The following NYAP1 variants were observed in gnomAD, a reference collection of about 807,000 sequenced individuals.
NYAP1 encodes neuronal tyrosine-phosphorylated phosphoinositide-3-kinase adapter 1.
Under a neutral mutation model 58.6 loss-of-function variants are expected in NYAP1, and 20 were observed. The observed-to-expected ratio is 0.34, with a 90% confidence interval of 0.24 to 0.50. The LOEUF (loss-of-function observed/expected upper bound fraction) is 0.50, where lower values mean the gene tolerates loss of function less well. NYAP1 is among the 20% of genes least tolerant of loss of function. NYAP1 has a pLI of 0.98. For synonymous variants in NYAP1, 572 were observed against 523.1 expected, an observed-to-expected ratio of 1.09 and a Z score of -1.27; for missense variants, 1,150 against 1,194.5, an observed-to-expected ratio of 0.96 and a Z score of 0.55.
intron 4 of NYAP1, 33 bp downstream of exon 4, chr7:100,489,699 C>G (rs780923373): frequency 1.8e-5 from 1 of 56,666 alleles, no homozygotes; most frequent in Non-Finnish European, 2.9e-5. Context: ...GGGCTGGCAT[C>G]AGGGGTGGGG....
Position 100,485,252 on chromosome 7 carries a change from G to C in NYAP1, c.-60G>C. The C allele has an allele frequency of 2.0e-6, 2 of 985,748 alleles. No homozygotes were observed. The highest frequency in any genetic ancestry group is 3.1e-6 in the Non-Finnish European group (2 of 650,756). 61.1% of individuals were successfully genotyped at this position (985,748 alleles called of 1,614,324 possible). ...GTGGATCCGGGACCCAGGGAGGGCC[G>C]CCCCCCGGGCCTGGTGGCACTGAGC... On this transcript the variant is annotated 5_prime_UTR_variant, in exon 2 of 7. Transcript: ENST00000300179. This position sits in a 1 kb window ranked among gnomAD's most constrained non-coding sequence, Gnocchi z 5.7.
Position 100,494,061 on chromosome 7 carries a change from GC to G in NYAP1, c.*160del. The G allele has an allele frequency of 1.5e-6, 1 of 646,558 alleles. No homozygotes were observed. Among genetic ancestry groups the G allele is most frequent in the Non-Finnish European group, 2.5e-6 (1 of 407,672 alleles). 40.1% of individuals were successfully genotyped at this position (646,558 alleles called of 1,614,324 possible). Reference sequence around the variant, plus strand: ...CTACCCCCCGGGATGGGGAGAGTCTGCCAGGCCCATTGGGCTTAGGATGCCA... The same window carrying G: ...CTACCCCCCGGGATGGGGAGAGTCTGCAGGCCCATTGGGCTTAGGATGCCA... On this transcript the variant is annotated 3_prime_UTR_variant, in exon 7 of 7. Transcript: ENST00000300179.
At position 100,489,356 on chromosome 7, in the gene NYAP1, G is replaced by T. The variant is rs1015009915; in HGVS notation, c.1635G>T (p.Leu545=). The stretch of plus-strand genomic sequence containing the variant: ...TTCCGGACCCAACTGTAGGCCCCCT[G>T]ACCCCGCTGTGGACCTACCCAGCCA... ...HSLPDPTVGP[L]TPLWTYPATA... The change falls in exon 4 of 7, where the codon CTG becomes CTT. Residue 545 remains leucine (L), a synonymous_variant. Coordinates refer to ENST00000300179, the MANE Select transcript of NYAP1 (RefSeq NM_173564.4). 1 of 1,611,912 alleles carries T rather than the reference G, an allele frequency of 6.2e-7. No homozygotes were observed. Among genetic ancestry groups the T allele is most frequent in the African/African-American group, 1.3e-5 (1 of 74,880 alleles).
rs930193985 is a variant in NYAP1 at position 100,491,057 on chromosome 7, C to T, written c.2230C>T (p.Pro744Ser). The change falls in exon 6 of 7, where the codon CCC (proline) becomes TCC (serine). Residue 744 changes from proline to serine, a missense_variant. Coordinates refer to ENST00000300179, the MANE Select transcript of NYAP1 (RefSeq NM_173564.4). ...AGTCCGGCAGGTCGTGCTCCACACA[C>T]CCCGGCCCTGCAGCCAGCCCAGGGA... ...SGVRQVVLHT[P>S]RPCSQPRDAL... 1 of 1,559,556 alleles carries T rather than the reference C, an allele frequency of 6.4e-7. No homozygotes were observed. The highest frequency in any genetic ancestry group is 8.7e-7 in the Non-Finnish European group (1 of 1,151,458).
chr7:100,493,797 A>C lies in NYAP1; in HGVS notation c.2420A>C (p.Glu807Ala). 6.2e-7 allele frequency: 1 copy of C among 1,601,858 alleles called. No homozygotes were observed. The highest frequency in any genetic ancestry group is 8.5e-7 in the Non-Finnish European group (1 of 1,176,822). Residue 807 changes from glutamate to alanine, a missense_variant, in exon 7 of 7, where the codon GAG (glutamate) becomes GCG (alanine). Glu to Ala is a moderately radical substitution (Grantham distance 107, BLOSUM62 -1). Transcript: ENST00000300179. Reference protein sequence around the residue: ...HRPDRGLCKQESMPILPSWRR... With the variant: ...HRPDRGLCKQASMPILPSWRR... The stretch of plus-strand genomic sequence containing the variant: ...CCGGACCGAGGCCTCTGCAAGCAGG[A>C]GAGCATGCCCATCCTCCCCAGCTGG...
chr7:100,492,711 C>T (rs1381718597), intron 6 of NYAP1, among the ~76,000 whole-genome samples: 7 of 152,162 alleles, frequency 4.6e-5, no homozygotes, highest in African/African-American at 7.2e-5. Flanking sequence ...CCAGCCTGGG[C>T]GACATAGGGA....
rs1457271581 is a variant in NYAP1 at position 100,488,053 on chromosome 7, T to C, written c.431-99T>C. On this transcript the variant is annotated intron_variant, in intron 3 of 6. Coordinates refer to ENST00000300179, the MANE Select transcript of NYAP1 (RefSeq NM_173564.4). This position sits in a 1 kb window ranked among gnomAD's most constrained non-coding sequence, Gnocchi z 5.9. ...AATGTGGGGAAAAGGAAGAGGCAGA[T>C]ATGTCCTTGCAGAAGGGTCAAGGGA... is the stretch of plus-strand genomic sequence containing the variant. 1.2e-6 allele frequency: 1 copy of C among 809,180 alleles called. No individual in the cohort carries two copies. Among genetic ancestry groups the C allele is most frequent in the African/African-American group, 1.7e-5 (1 of 57,540 alleles). 50.1% of individuals were successfully genotyped at this position (809,180 alleles called of 1,614,324 possible). A position where few individuals can be genotyped will look rare whatever the true frequency, so the allele number is the denominator to read the frequency against.
Position 100,493,841 on chromosome 7 carries a change from C to A in NYAP1, c.2464C>A (p.Arg822Ser), listed in dbSNP as rs1462250578. 2 of 1,564,548 alleles carry A rather than the reference C, an allele frequency of 1.3e-6. No homozygotes were observed. The highest frequency in any genetic ancestry group is 4.8e-5 in the East Asian group (2 of 41,638). ...CAGCTGGCGGCGGGGACCCGAGCCC[C>A]GCAAGTCCGGCACCCCGCCCTGCCG... ...LPSWRRGPEP[R>S]KSGTPPCRRQ... The change falls in exon 7 of 7, where the codon CGC becomes AGC. Residue 822 changes from arginine (R) to serine (S), a missense_variant. Arg to Ser is a moderately radical substitution (Grantham distance 110, BLOSUM62 -1). Coordinates refer to ENST00000300179, the MANE Select transcript of NYAP1 (RefSeq NM_173564.4).
chr7:100,484,720 ACT>A (rs1213557302), intron 1 of NYAP1, among the ~76,000 whole-genome samples: 1 of 151,854 alleles, frequency 6.6e-6, no homozygotes, highest in African/African-American at 2.4e-5. Flanking sequence ...CCTGGGCATA[ACT>A]CTGCCTGTAG....
chr7:100,494,223 G>A lies in NYAP1; in HGVS notation c.*320G>A, dbSNP rs1799839728. On this transcript the variant is annotated 3_prime_UTR_variant, in exon 7 of 7. Coordinates refer to ENST00000300179, the MANE Select transcript of NYAP1 (RefSeq NM_173564.4). ...CCAGAGGTCAGCATGGGGAAGGGAG[G>A]AAGGAAGGGATGGGAGGAAGAGGGG... is the stretch of plus-strand genomic sequence containing the variant. The A allele has an allele frequency of 3.3e-6, 1 of 303,914 alleles. No homozygotes were observed. The highest frequency in any genetic ancestry group is 5.1e-5 in the Admixed American group (1 of 19,736). The allele number at this position is 303,914 out of a possible 1,614,324, so 18.8% of individuals were successfully genotyped here.
chr7:100,493,696 C>A lies in NYAP1; in HGVS notation c.2319C>A (p.Arg773=). Residue 773 remains arginine, a synonymous_variant, in exon 7 of 7, where the codon CGC becomes CGA. Transcript: ENST00000300179. The part of the protein sequence containing the change: ...LPLPLPPQPA[R]ERDGKLLEVI... ...TGCCCCTGCCGCCCCAGCCGGCCCG[C>A]GAGCGTGACGGGAAGCTGCTGGAGG... 1.9e-6 allele frequency: 3 copies of A among 1,594,190 alleles called. No homozygotes were observed. Among genetic ancestry groups the A allele is most frequent in the Non-Finnish European group, 8.5e-7 (1 of 1,174,410 alleles).
intron 6 of NYAP1, among the ~76,000 whole-genome samples, chr7:100,492,406 T>C (rs1004292094): frequency 2.6e-5 from 4 of 152,082 alleles, no homozygotes; most frequent in Admixed American, 2.6e-4. Context: ...GGGCCACCAC[T>C]AGCCAACAGC....
At position 100,487,819 on chromosome 7, in the gene NYAP1, T is replaced by G. The variant is rs187298295; in HGVS notation, c.431-333T>G. 1.7e-3 allele frequency among the ~76,000 whole-genome samples: 253 copies of G among 152,086 alleles called. 1 individual carries two copies. The highest frequency in any genetic ancestry group is 5.7e-3 in the African/African-American group (236 of 41,504). On this transcript the variant is annotated intron_variant, in intron 3 of 6. Transcript: ENST00000300179. This position sits in a 1 kb window ranked among gnomAD's most constrained non-coding sequence, Gnocchi z 4.1. Reference sequence around the variant, plus strand: ...ACTGTGCTTGGCCAATTAATTGACGTTTTAAAAAGACCAAGGGCTGACTAG... The same window carrying G: ...ACTGTGCTTGGCCAATTAATTGACGGTTTAAAAAGACCAAGGGCTGACTAG...
rs2131065920 is a variant in NYAP1, at chr7:100,487,354, T to A, written c.430+172T>A. Among the ~76,000 whole-genome samples the A allele has an allele frequency of 6.6e-6, 1 of 152,190 alleles. No individual in the cohort carries two copies. Among genetic ancestry groups the A allele is most frequent in the African/African-American group, 2.4e-5 (1 of 41,514 alleles). On this transcript the variant is annotated intron_variant, in intron 3 of 6. Coordinates refer to ENST00000300179, the MANE Select transcript of NYAP1 (RefSeq NM_173564.4). This position sits in a 1 kb window ranked among gnomAD's most constrained non-coding sequence, Gnocchi z 4.1. ...TTTGGATGGGCCTGAGATGAACCAT[T>A]CAAGGGCAGGGGACACTCCCTGAAA... is the stretch of plus-strand genomic sequence containing the variant.
chr7:100,489,471 C>A lies in NYAP1; in HGVS notation c.1750C>A (p.Pro584Thr), dbSNP rs1049751033. The A allele has an allele frequency of 6.2e-7, 1 of 1,613,140 alleles. No homozygotes were observed. Among genetic ancestry groups the A allele is most frequent in the East Asian group, 2.2e-5 (1 of 44,872 alleles). The change falls in exon 4 of 7, where the codon CCC becomes ACC. Residue 584 changes from proline to threonine, a missense_variant. Physicochemically the swap from Pro to Thr is conservative, Grantham distance 38. Transcript: ENST00000300179. Reference protein sequence around the residue: ...NKGCGVGAPSPMVKIQLQEQG... With the variant: ...NKGCGVGAPSTMVKIQLQEQG... ...GGGCTGTGGTGTGGGGGCCCCATCC[C>A]CCATGGTCAAGATCCAGCTGCAGGA...
At position 100,489,533 on chromosome 7, in the gene NYAP1, C is replaced by G; in HGVS notation, c.1812C>G (p.Ser604=). ...GTDGGAFASI[S]CAHVIASAGT... ...ATGGGGGTGCTTTTGCCAGCATCTC[C>G]TGTGCCCACGTCATCGCCAGCGCAG... Residue 604 remains serine (S), a synonymous_variant, in exon 4 of 7, where the codon TCC becomes TCG. Transcript: ENST00000300179. The G allele has an allele frequency of 6.2e-7, 1 of 1,613,464 alleles. No individual in the cohort carries two copies. Among genetic ancestry groups the G allele is most frequent in the Non-Finnish European group, 8.5e-7 (1 of 1,179,998 alleles).
In NYAP1 at chr7:100,488,740, T is replaced by TC; in HGVS notation, c.1024dup (p.Gln342ProfsTer93). On this transcript the variant is annotated frameshift_variant, in exon 4 of 7. Transcript: ENST00000300179. LOFTEE classifies it high-confidence loss of function. The surrounding 1 kb of genome is among the most constrained non-coding windows in gnomAD (Gnocchi z 5.9). ...CAGCACCGGCCTCCACTCCTGGCCT[T>TC]CCCCCAAGCCAAGTCTGCTTCCCGA... The TC allele has an allele frequency of 6.2e-7, 1 of 1,605,130 alleles. No individual in the cohort carries two copies. The highest frequency in any genetic ancestry group is 8.5e-7 in the Non-Finnish European group (1 of 1,176,278).
chr7:100,487,060 G>A lies in NYAP1; in HGVS notation c.308G>A (p.Gly103Glu), dbSNP rs759643434. Reference protein sequence around the residue: ...SVGGGPGGASGGLTEDSSTRR... With the variant: ...SVGGGPGGASEGLTEDSSTRR... Reference sequence around the variant, plus strand: ...GGGGGTGGCCCTGGCGGGGCCAGTGGGGGCCTCACAGAGGACAGCAGCACC... The same window carrying A: ...GGGGGTGGCCCTGGCGGGGCCAGTGAGGGCCTCACAGAGGACAGCAGCACC... Residue 103 changes from glycine (G) to glutamate (E), a missense_variant, in exon 3 of 7, where the codon GGG (glycine) becomes GAG (glutamate). Coordinates refer to ENST00000300179, the MANE Select transcript of NYAP1 (RefSeq NM_173564.4). The surrounding 1 kb of genome is among the most constrained non-coding windows in gnomAD (Gnocchi z 4.1). 2 of 1,600,930 alleles carry A rather than the reference G, an allele frequency of 1.2e-6. No individual in the cohort carries two copies. The highest frequency in any genetic ancestry group is 2.2e-5 in the South Asian group (2 of 89,994).
rs549418440 is a variant in NYAP1, at chr7:100,486,470, T to TG, written c.69-345dup. 2.6e-5 allele frequency among the ~76,000 whole-genome samples: 4 copies of TG among 152,064 alleles called. No individual in the cohort carries two copies. Among genetic ancestry groups the TG allele is most frequent in the Admixed American group, 6.5e-5 (1 of 15,284 alleles). ...GAGAGTGAGAGGGGCCAAGGAGCTG[T>TG]GGGGGGCAGGCGTGTCCATCTGTGT... On this transcript the variant is annotated intron_variant, in intron 2 of 6. Transcript: ENST00000300179. The surrounding 1 kb of genome is among the most constrained non-coding windows in gnomAD (Gnocchi z 6.2).
Sources: allele counts gnomAD v4.1 joint callset (sites outside exome capture counted in the v4.1 genomes callset), GRCh38; gene constraint gnomAD v4.1.1; non-coding constraint Gnocchi (gnomAD v3.1); transcripts MANE v1.5; gene names NCBI Gene and HGNC (gene_info 2026-07-23, HGNC 2026-07-21).